The following CPE variants were observed in gnomAD, a reference collection of about 807,000 sequenced individuals.
CPE encodes carboxypeptidase E.
A neutral mutation model predicts 53.5 loss-of-function variants in CPE; 17 were observed. The observed-to-expected ratio is 0.32, with a 90% confidence interval of 0.22 to 0.48. CPE has a LOEUF of 0.48. Among genes scored for constraint, CPE ranks in the 20% least tolerant of loss-of-function variants. CPE has a pLI of 0.99. For synonymous variants in CPE, 226 were observed against 228.8 expected (o/e 0.99, Z 0.11); for missense variants, 524 against 614.7 (o/e 0.85, Z 1.56).
chr4:165,456,589 C>T lies in CPE; in HGVS notation c.308-7801C>T, dbSNP rs554161244. On this transcript the variant is annotated intron_variant, in intron 1 of 8. Coordinates refer to ENST00000402744, the MANE Select transcript of CPE (RefSeq NM_001873.4). Reference sequence around the variant, plus strand: ...CTCTCTCTCTCTTTCTTTGTTTCGACGGAGTCTTGCTCTGTCGCCCAGGCT... The same window carrying T: ...CTCTCTCTCTCTTTCTTTGTTTCGATGGAGTCTTGCTCTGTCGCCCAGGCT... Among the ~76,000 whole-genome samples the T allele has an allele frequency of 9.8e-4, 148 of 151,616 alleles. 1 individual carries two copies. Among genetic ancestry groups the T allele is most frequent in the Non-Finnish European group, 1.3e-3 (91 of 67,892 alleles).
chr4:165,412,217 T>G (rs2126668404), intron 1 of CPE, among the ~76,000 whole-genome samples: 1 of 152,306 alleles, frequency 6.6e-6, no homozygotes, highest in East Asian at 1.9e-4. Context: ...AGTTGCAAAC[T>G]TACCTTTATG....
At chr4:165,424,070 GATTA>G (rs1316746708) in intron 1 of CPE, among the ~76,000 whole-genome samples, 1 of 75,348 alleles carries the variant, frequency 1.3e-5, no homozygotes, top group Admixed American at 1.1e-4. Flanking sequence ...AATTGTGTTT[GATTA>G]TTGCCTACTT....
chr4:165,448,797 C>A (rs1731759676), intron 1 of CPE, among the ~76,000 whole-genome samples: 1 of 151,510 alleles, frequency 6.6e-6, no homozygotes, highest in African/African-American at 2.4e-5. Context: ...AGAATGTGGA[C>A]AGTCAGGGAA....
chr4:165,495,009 T>A (rs1732682997), intron 7 of CPE, among the ~76,000 whole-genome samples: 1 of 152,200 alleles, frequency 6.6e-6, no homozygotes, highest in South Asian at 2.1e-4. Flanking sequence ...AGATTTTTCA[T>A]TTTACCAAGT....
chr4:165,470,247 C>G (rs1057191936), intron 3 of CPE, among the ~76,000 whole-genome samples: 2 of 152,142 alleles, frequency 1.3e-5, no homozygotes, highest in Non-Finnish European at 2.9e-5. Context: ...TGACCTTTGA[C>G]TTGGGGTTTT....
At chr4:165,494,759 T>G (rs1732675660) in intron 7 of CPE, among the ~76,000 whole-genome samples, 1 of 152,168 alleles carries the variant, frequency 6.6e-6, no homozygotes, top group Non-Finnish European at 1.5e-5. Context: ...GATGTAGATT[T>G]AGAGGTAGAT....
intron 1 of CPE, among the ~76,000 whole-genome samples, chr4:165,387,412 AT>A (rs1730611255): frequency 6.6e-6 from 1 of 152,206 alleles, no homozygotes; most frequent in African/African-American, 2.4e-5. Flanking sequence ...TAATCCCCTC[AT>A]TTGAAGACAT....
intron 1 of CPE, among the ~76,000 whole-genome samples, chr4:165,396,336 G>A (rs55933822): frequency 0.012 from 1,798 of 152,210 alleles, 18 homozygotes; most frequent in African/African-American, 0.028. Context: ...AAAGAAGTGA[G>A]CTATCAAATG....
intron 6 of CPE, among the ~76,000 whole-genome samples, chr4:165,488,121 A>G (rs918733936): frequency 6.6e-6 from 1 of 152,198 alleles, no homozygotes; most frequent in East Asian, 1.9e-4. Flanking sequence ...ATTATACTAA[A>G]TGCCTTTTAT....
At chr4:165,448,794 G>A (rs1731759624) in intron 1 of CPE, among the ~76,000 whole-genome samples, 1 of 152,144 alleles carries the variant, frequency 6.6e-6, no homozygotes, top group Non-Finnish European at 1.5e-5. Context: ...GCTAGAATGT[G>A]GACAGTCAGG....
intron 1 of CPE, among the ~76,000 whole-genome samples, chr4:165,453,857 G>C (rs956774150): frequency 6.6e-6 from 1 of 152,002 alleles, no homozygotes; most frequent in South Asian, 2.1e-4. Flanking sequence ...GGTGAGCAAA[G>C]GAAAAGAAGG....
chr4:165,379,039 C>T lies in CPE; in HGVS notation c.-183C>T. The stretch of plus-strand genomic sequence containing the variant: ...GCAGCCCGTGGAGCCGCGGCTTTGC[C>T]CGTCTCCTCTGGGTGGCCCCAGTGC... On this transcript the variant is annotated 5_prime_UTR_variant, in exon 1 of 9. Coordinates refer to ENST00000402744, the MANE Select transcript of CPE (RefSeq NM_001873.4). The surrounding 1 kb of genome is among the most constrained non-coding windows in gnomAD (Gnocchi z 6.0). The T allele has an allele frequency of 2.2e-6, 1 of 455,804 alleles. No individual in the cohort carries two copies. Among genetic ancestry groups the T allele is most frequent in the Non-Finnish European group, 3.4e-6 (1 of 292,948 alleles). The allele number at this position is 455,804 out of a possible 1,614,324, so 28.2% of individuals were successfully genotyped here.
chr4:165,467,612 T>C, intron 2 of CPE, 76 bp from the exon 3 acceptor site: 1 of 1,385,468 alleles, frequency 7.2e-7, no homozygotes, highest in Non-Finnish European at 9.8e-7. Flanking sequence ...TAAAGAGCAT[T>C]GATAGGGACC....
At chr4:165,486,609 G>C (rs1205405494) in intron 5 of CPE, among the ~76,000 whole-genome samples, 1 of 151,976 alleles carries the variant, frequency 6.6e-6, no homozygotes, top group Non-Finnish European at 1.5e-5. Context: ...GGAAATTCTG[G>C]GTGAGCTGTT....
At chr4:165,476,878 G>C (rs117605880) in intron 3 of CPE, among the ~76,000 whole-genome samples, 1 of 151,074 alleles carries the variant, frequency 6.6e-6, no homozygotes, top group South Asian at 2.3e-4. Flanking sequence ...TCATGGGAGA[G>C]GGGGAGCCAG....
In CPE at chr4:165,488,412, G is replaced by T. The variant is rs151182039; in HGVS notation, c.1113+835G>T. On this transcript the variant is annotated intron_variant, in intron 6 of 8. Transcript: ENST00000402744. ...AGAATTTTGGGGGATCTCACCATCTGCCAGAATAAAATCCTTTACCTACTC... is the reference window on the plus strand; with the variant it reads ...AGAATTTTGGGGGATCTCACCATCTTCCAGAATAAAATCCTTTACCTACTC... Among the ~76,000 whole-genome samples, 220 of 152,244 alleles carry T rather than the reference G, an allele frequency of 1.4e-3. 1 individual carries two copies. The highest frequency in any genetic ancestry group is 4.5e-3 in the African/African-American group (185 of 41,540).
intron 6 of CPE, among the ~76,000 whole-genome samples, chr4:165,491,523 T>A (rs1732604926): frequency 6.6e-6 from 1 of 152,184 alleles, no homozygotes; most frequent in Non-Finnish European, 1.5e-5. Context: ...TTTTCATGTT[T>A]CATGTTTTCC....
At position 165,379,062 on chromosome 4, in the gene CPE, T is replaced by C; in HGVS notation, c.-160T>C. 1 of 607,646 alleles carries C rather than the reference T, an allele frequency of 1.6e-6. No homozygotes were observed. The highest frequency in any genetic ancestry group is 2.3e-6 in the Non-Finnish European group (1 of 431,284). The allele number at this position is 607,646 out of a possible 1,614,324, so 37.6% of individuals were successfully genotyped here. On this transcript the variant is annotated 5_prime_UTR_variant, in exon 1 of 9. Coordinates refer to ENST00000402744, the MANE Select transcript of CPE (RefSeq NM_001873.4). This position sits in a 1 kb window ranked among gnomAD's most constrained non-coding sequence, Gnocchi z 6.0. ...GCCCGTCTCCTCTGGGTGGCCCCAG[T>C]GCGCGGGCTGACACTCATTCAGCCG...
chr4:165,455,483 C>T (rs536116717), intron 1 of CPE, among the ~76,000 whole-genome samples: 10 of 152,174 alleles, frequency 6.6e-5, no homozygotes, highest in South Asian at 6.2e-4. Flanking sequence ...TTGATGTAGC[C>T]GATAACTATT....
Sources: gnomAD v4.1 joint callset for allele counts (sites outside exome capture counted in the v4.1 genomes callset) on GRCh38, gnomAD v4.1.1 for gene constraint, Gnocchi (gnomAD v3.1) non-coding constraint, MANE v1.5 for transcripts, NCBI Gene and HGNC (gene_info 2026-07-23, HGNC 2026-07-21) for gene names.